The following PIEZO2 variants were observed in gnomAD, a reference collection of about 807,000 sequenced individuals.
PIEZO2 encodes the protein piezo-type mechanosensitive ion channel component 2.
Under a neutral mutation model 337.3 loss-of-function variants are expected in PIEZO2, and 172 were observed. That is an observed-to-expected ratio of 0.51 (90% CI 0.45 to 0.58). The LOEUF (loss-of-function observed/expected upper bound fraction) is 0.58, where lower values mean the gene tolerates loss of function less well. Ranked by LOEUF, PIEZO2 falls within the 20% of genes least tolerant of loss-of-function variation. The pLI is 0.00. For missense variants in PIEZO2, 3,028 were observed against 3,391.3 expected, an observed-to-expected ratio of 0.89 and a Z score of 2.66; for synonymous variants, 1,251 against 1,228.5, an observed-to-expected ratio of 1.02 and a Z score of -0.38.
intron 3 of PIEZO2, among the ~76,000 whole-genome samples, chr18:10,936,889 A>C (rs1303530014): frequency 6.6e-6 from 1 of 152,216 alleles, no homozygotes; most frequent in East Asian, 1.9e-4. Context: ...AACCAGGCTC[A>C]GGGCATTGTG....
At chr18:10,874,799 C>A (rs554307530) in intron 4 of PIEZO2, among the ~76,000 whole-genome samples, 5 of 152,020 alleles carry the variant, frequency 3.3e-5, no homozygotes, top group African/African-American at 9.6e-5. Flanking sequence ...AGGTGGTAAC[C>A]AAAGGCTGAG....
intron 2 of PIEZO2, among the ~76,000 whole-genome samples, chr18:11,022,378 G>A (rs1216906537): frequency 6.6e-6 from 1 of 152,244 alleles, no homozygotes; most frequent in Non-Finnish European, 1.5e-5. Flanking sequence ...CATGCACCCA[G>A]TTATCAGCCT....
chr18:10,950,241 C>T (rs572164055), intron 3 of PIEZO2, among the ~76,000 whole-genome samples: 5 of 152,160 alleles, frequency 3.3e-5, no homozygotes, highest in East Asian at 3.9e-4. Flanking sequence ...TGTAACGAGA[C>T]GGGGGAAAGT....
Position 10,705,760 on chromosome 18 carries a change from G to A in PIEZO2, c.5589-14C>T, listed in dbSNP as rs1360284153. ...TGCGTGGGCTCGCTGTTGGGAGAAA[G>A]CGTGGGCACAGAGCCCATGTCTTAG... On this transcript the variant is annotated splice_polypyrimidine_tract_variant and intron_variant, in intron 40 of 55. Coordinates refer to ENST00000674853, the MANE Select transcript of PIEZO2 (RefSeq NM_001378183.1). 1.3e-6 allele frequency: 2 copies of A among 1,508,184 alleles called. No homozygotes were observed. The highest frequency in any genetic ancestry group is 1.8e-6 in the Non-Finnish European group (2 of 1,130,732). 93.4% of individuals were successfully genotyped at this position (1,508,184 alleles called of 1,614,324 possible).
intron 3 of PIEZO2, among the ~76,000 whole-genome samples, chr18:10,967,884 G>A (rs1414609221): frequency 6.6e-6 from 1 of 150,896 alleles, no homozygotes; most frequent in Non-Finnish European, 1.5e-5. Context: ...CTCCCACTCT[G>A]TGGGTTGTCT....
chr18:10,871,561 A>G, intron 4 of PIEZO2, 146 bp from the exon 5 acceptor site: 2 of 727,654 alleles, frequency 2.7e-6, no homozygotes, highest in East Asian at 2.8e-5. Flanking sequence ...AAAGCTTTTT[A>G]TTGACCTCAG....
intron 3 of PIEZO2, among the ~76,000 whole-genome samples, chr18:10,918,779 T>C (rs1191570435): frequency 2.0e-5 from 3 of 152,074 alleles, no homozygotes; most frequent in Non-Finnish European, 4.4e-5. Context: ...TCAATGTCTA[T>C]AAATATAGCC....
At chr18:11,144,906 T>C (rs1237660136) in intron 1 of PIEZO2, among the ~76,000 whole-genome samples, 1 of 152,128 alleles carries the variant, frequency 6.6e-6, no homozygotes, top group Admixed American at 6.6e-5. Context: ...CTGGGCAAGA[T>C]GGAATAAAAT....
Position 11,092,553 on chromosome 18 carries a change from G to A in PIEZO2, c.65-26331C>T, listed in dbSNP as rs1181141317. On this transcript the variant is annotated intron_variant, in intron 1 of 55. Coordinates refer to ENST00000674853, the MANE Select transcript of PIEZO2 (RefSeq NM_001378183.1). This position sits in a 1 kb window ranked among gnomAD's most constrained non-coding sequence, Gnocchi z 4.5. ...TTAGCATAAATACTTTTGAAACCAGGAAAATAAGTTATTAATGTTAAAATT... is the reference window on the plus strand; with the variant it reads ...TTAGCATAAATACTTTTGAAACCAGAAAAATAAGTTATTAATGTTAAAATT... 1.3e-5 allele frequency among the ~76,000 whole-genome samples: 2 copies of A among 152,136 alleles called. No homozygotes were observed.
At chr18:10,901,919 A>C (rs868654869) in intron 4 of PIEZO2, among the ~76,000 whole-genome samples, 5 of 152,118 alleles carry the variant, frequency 3.3e-5, no homozygotes, top group African/African-American at 9.6e-5. Context: ...GCAAAACAAA[A>C]AAAAAAAAAG....
intron 1 of PIEZO2, 82 bp from the exon 2 acceptor site, chr18:11,066,304 G>T: frequency 1.0e-6 from 1 of 1,001,066 alleles, no homozygotes; most frequent in Non-Finnish European, 1.5e-6. Flanking sequence ...AACAAAAGAT[G>T]GTCTCAGATG....
At chr18:10,777,515 T>C (rs1473742820) in intron 18 of PIEZO2, among the ~76,000 whole-genome samples, 3 of 152,254 alleles carry the variant, frequency 2.0e-5, no homozygotes, top group South Asian at 2.1e-4. Flanking sequence ...TTTTATGCAC[T>C]GGAGATACAT....
chr18:11,056,333 G>A (rs1330744735), intron 2 of PIEZO2, among the ~76,000 whole-genome samples: 2 of 152,206 alleles, frequency 1.3e-5, no homozygotes, highest in Non-Finnish European at 2.9e-5. Context: ...CTGGGAATGG[G>A]AGGCTCAGTC....
chr18:10,679,204 G>C (rs8084919), intron 52 of PIEZO2, among the ~76,000 whole-genome samples: 3,398 of 152,192 alleles, frequency 0.022, 139 homozygotes, highest in African/African-American at 0.077. Context: ...AAAGTGCCAG[G>C]ATTACAGGTG....
At chr18:10,690,144 G>A (rs773809847) in intron 48 of PIEZO2, among the ~76,000 whole-genome samples, 5 of 152,084 alleles carry the variant, frequency 3.3e-5, no homozygotes, top group Non-Finnish European at 5.9e-5. Context: ...GAATGACTGC[G>A]GCTCTGTTGC....
In PIEZO2 at chr18:10,870,409, C is replaced by T. The variant is rs2042111524; in HGVS notation, c.492+844G>A. Among the ~76,000 whole-genome samples the T allele has an allele frequency of 6.6e-6, 1 of 151,428 alleles. No homozygotes were observed. Among genetic ancestry groups the T allele is most frequent in the Admixed American group, 6.6e-5 (1 of 15,196 alleles). ...TCTTGCCAAAGCTTATGACTGAAAA[C>T]ATTTAGTACTTGCAAGCGTTTTGCA... is the stretch of plus-strand genomic sequence containing the variant. On this transcript the variant is annotated intron_variant, in intron 5 of 55. Coordinates refer to ENST00000674853, the MANE Select transcript of PIEZO2 (RefSeq NM_001378183.1). This position sits in a 1 kb window ranked among gnomAD's most constrained non-coding sequence, Gnocchi z 5.3.
intron 36 of PIEZO2, among the ~76,000 whole-genome samples, chr18:10,722,397 A>T (rs970043440): frequency 6.6e-6 from 1 of 151,854 alleles, no homozygotes; most frequent in Admixed American, 6.6e-5. Context: ...TGTCCAGATA[A>T]TTTTTTGTAT....
At position 10,742,798 on chromosome 18, in the gene PIEZO2, T is replaced by TTG. The variant is rs71169946; in HGVS notation, c.4515-185_4515-184dup. On this transcript the variant is annotated intron_variant, in intron 31 of 55. Coordinates refer to ENST00000674853, the MANE Select transcript of PIEZO2 (RefSeq NM_001378183.1). ...GATCTCCTTTCTTTTATATACATATTTGTGTGTGTGTGTGTGTGTGTGTGT... is the reference window on the plus strand; with the variant it reads ...GATCTCCTTTCTTTTATATACATATTTGTGTGTGTGTGTGTGTGTGTGTGTGT... 0.24 allele frequency among the ~76,000 whole-genome samples: 28,161 copies of TTG among 115,348 alleles called. 2,880 individuals are homozygous for TTG. The highest frequency in any genetic ancestry group is 0.32 in the East Asian group (1,048 of 3,322). The allele number at this position is 115,348 out of a possible 152,430, so 75.7% of individuals were successfully genotyped here. A position where few individuals can be genotyped will look rare whatever the true frequency, so the allele number is the denominator to read the frequency against.
At chr18:11,130,737 T>C (rs565124919) in intron 1 of PIEZO2, among the ~76,000 whole-genome samples, 27 of 152,308 alleles carry the variant, frequency 1.8e-4, no homozygotes, top group African/African-American at 6.3e-4. Context: ...AGGTAAAGGA[T>C]AAGTTGCTGC....
Sources: gnomAD v4.1 joint callset for allele counts (sites outside exome capture counted in the v4.1 genomes callset) on GRCh38, gnomAD v4.1.1 for gene constraint, Gnocchi (gnomAD v3.1) non-coding constraint, MANE v1.5 for transcripts, NCBI Gene and HGNC (gene_info 2026-07-23, HGNC 2026-07-21) for gene names.